CFAP20DC: variants seen among roughly 807,000 people sequenced by gnomAD.
CFAP20DC encodes CFAP20 domain containing.
Under a neutral mutation model 101.7 loss-of-function variants are expected in CFAP20DC, and 84 were observed. The observed-to-expected ratio is 0.83, with a 90% CI of 0.69 to 0.99. The LOEUF (loss-of-function observed/expected upper bound fraction) is 0.99. Ranked by LOEUF, CFAP20DC falls within the 50% of genes least tolerant of loss-of-function variation. The pLI, the probability that CFAP20DC is intolerant of heterozygous loss-of-function variation, is 0.00. For synonymous variants in CFAP20DC, 359 were observed against 351.2 expected (o/e 1.02, Z -0.25); for missense variants, 1,007 against 970.3 (o/e 1.04, Z -0.50).
intron 14 of CFAP20DC, among the ~76,000 whole-genome samples, chr3:58,816,727 T>C (rs533026946): frequency 6.6e-6 from 1 of 152,154 alleles, no homozygotes. Context: ...GCGCCCGCCA[T>C]TGCCCAGGCT....
rs746391952 is a variant in CFAP20DC at position 58,877,402 on chromosome 3, T to G, written c.716-7093A>C. Among the ~76,000 whole-genome samples the G allele has an allele frequency of 5.3e-5, 8 of 152,240 alleles. No homozygotes were observed. The South Asian group carries it at 1.0e-3, about 20-fold the overall frequency. On this transcript the variant is annotated intron_variant, in intron 7 of 16. Transcript: ENST00000482387. The stretch of plus-strand genomic sequence containing the variant: ...CAGTCTGAAAGGTTCTAAGTGTGTT[T>G]AACAGGAGCTTCATATCTAGTCTTT...
chr3:58,934,039 A>C (rs147861871), intron 5 of CFAP20DC, among the ~76,000 whole-genome samples: 64 of 152,340 alleles, frequency 4.2e-4, no homozygotes, highest in African/African-American at 1.5e-3. Context: ...ACTAATAAAG[A>C]AGAAAACAGA....
intron 16 of CFAP20DC, among the ~76,000 whole-genome samples, chr3:58,751,200 A>C (rs2068539112): frequency 6.6e-6 from 1 of 152,172 alleles, no homozygotes; most frequent in Non-Finnish European, 1.5e-5. Context: ...GTCTCCTAAA[A>C]ACTCAGAGGC....
chr3:58,808,373 A>G, intron 14 of CFAP20DC, among the ~76,000 whole-genome samples: 1 of 152,258 alleles, frequency 6.6e-6, no homozygotes, highest in East Asian at 1.9e-4. Flanking sequence ...CTCTCAGCAG[A>G]AATTCTACAA....
At position 58,936,956 on chromosome 3, in the gene CFAP20DC, C is replaced by CAA. The variant is rs35351829; in HGVS notation, c.393+690_393+691dup. On this transcript the variant is annotated intron_variant, in intron 5 of 16. Transcript: ENST00000482387. The stretch of plus-strand genomic sequence containing the variant: ...AAATTAAAAAAAAATAAATTTAAGC[C>CAA]AAAAAAAAAAAAGAGAGATAGTGTT... Among the ~76,000 whole-genome samples the CAA allele has an allele frequency of 1.3e-3, 189 of 140,270 alleles. 1 individual carries two copies. The highest frequency in any genetic ancestry group is 0.011 in the Middle Eastern group (3 of 262). 92.0% of individuals were successfully genotyped at this position (140,270 alleles called of 152,430 possible).
At chr3:58,811,695 A>G (rs1403088857) in intron 14 of CFAP20DC, among the ~76,000 whole-genome samples, 1 of 152,158 alleles carries the variant, frequency 6.6e-6, no homozygotes, top group Non-Finnish European at 1.5e-5. Flanking sequence ...AAAAGCCAAA[A>G]TTGACAAATG....
At chr3:58,849,472 G>A (rs914689794) in intron 12 of CFAP20DC, 63 bp from the exon 13 acceptor site, 19 of 1,196,074 alleles carry the variant, frequency 1.6e-5, no homozygotes, top group African/African-American at 3.1e-5. Context: ...AAGTTACTGA[G>A]TACAAGTTCT....
intron 6 of CFAP20DC, among the ~76,000 whole-genome samples, chr3:58,895,058 G>T (rs1185393283): frequency 6.6e-6 from 1 of 152,228 alleles, no homozygotes; most frequent in Admixed American, 6.5e-5. Context: ...CCTGGCCCAT[G>T]AAACCATTTT....
intron 4 of CFAP20DC, among the ~76,000 whole-genome samples, chr3:58,946,228 T>C (rs2089342767): frequency 6.6e-6 from 1 of 151,568 alleles, no homozygotes; most frequent in Admixed American, 6.6e-5. Flanking sequence ...GCGATTCTCG[T>C]GTCTCAGTCT....
At chr3:58,822,318 A>AACAC (rs1342932876) in intron 14 of CFAP20DC, among the ~76,000 whole-genome samples, 1 of 142,194 alleles carries the variant, frequency 7.0e-6, no homozygotes, top group Non-Finnish European at 1.5e-5. Flanking sequence ...TGAAAAAACA[A>AACAC]ACAAACAAAC....
At chr3:58,958,993 C>A (rs1201178455) in intron 4 of CFAP20DC, among the ~76,000 whole-genome samples, 2 of 152,126 alleles carry the variant, frequency 1.3e-5, no homozygotes, top group Admixed American at 6.6e-5. Flanking sequence ...TTATACTAAT[C>A]ATATTTTAGT....
At chr3:58,821,372 A>G (rs1041793483) in intron 14 of CFAP20DC, among the ~76,000 whole-genome samples, 54 of 152,190 alleles carry the variant, frequency 3.5e-4, no homozygotes, top group Non-Finnish European at 5.6e-4. Context: ...ACAAAATGGG[A>G]GAAAATTTTT....
intron 5 of CFAP20DC, among the ~76,000 whole-genome samples, chr3:58,918,718 G>A (rs1460592315): frequency 6.6e-6 from 1 of 151,994 alleles, no homozygotes; most frequent in Non-Finnish European, 1.5e-5. Flanking sequence ...AGGGATGCAA[G>A]AGTCTGGGCT....
At chr3:58,969,465 G>A (rs1158089936) in intron 4 of CFAP20DC, among the ~76,000 whole-genome samples, 2 of 152,100 alleles carry the variant, frequency 1.3e-5, no homozygotes, top group South Asian at 2.1e-4. Flanking sequence ...AATTTCACTC[G>A]TAGGTGAGCT....
At chr3:58,752,377 A>G (rs1313613414) in intron 16 of CFAP20DC, among the ~76,000 whole-genome samples, 4 of 152,114 alleles carry the variant, frequency 2.6e-5, no homozygotes, top group East Asian at 1.9e-4. Flanking sequence ...CATTTCTACA[A>G]TGTGCTGTAG....
Position 58,721,150 on chromosome 3 carries a change from C to CA in CFAP20DC, c.198-3523_198-3522insT, listed in dbSNP as rs1356178903. ...CCATCCACATGTGAATTCCAAGATG[C>CA]TGGGAGTGGGATTGTCCCAGTCACT... On this transcript the variant is annotated intron_variant, in intron 3 of 3. Coordinates refer to the CFAP20DC transcript ENST00000486145. The surrounding 1 kb of genome is among the most constrained non-coding windows in gnomAD (Gnocchi z 5.2). Among the ~76,000 whole-genome samples the CA allele has an allele frequency of 1.3e-5, 2 of 152,198 alleles. No individual in the cohort carries two copies. The highest frequency in any genetic ancestry group is 4.8e-5 in the African/African-American group (2 of 41,456).
At chr3:58,749,060 T>C (rs1407021839) in intron 16 of CFAP20DC, among the ~76,000 whole-genome samples, 2 of 152,344 alleles carry the variant, frequency 1.3e-5, no homozygotes, top group East Asian at 3.9e-4. Context: ...CCAATATTGC[T>C]CTTTTGGGAA....
At chr3:58,854,798 A>T (rs1271102073) in intron 12 of CFAP20DC, among the ~76,000 whole-genome samples, 7 of 149,108 alleles carry the variant, frequency 4.7e-5, no homozygotes, top group African/African-American at 1.7e-4. Flanking sequence ...GAAAGCTGAA[A>T]CTGGATCCCT....
At chr3:58,871,898 C>G (rs946144757) in intron 7 of CFAP20DC, among the ~76,000 whole-genome samples, 3 of 152,116 alleles carry the variant, frequency 2.0e-5, no homozygotes, top group African/African-American at 7.2e-5. Flanking sequence ...AAACTCCCAG[C>G]AGAATCCCCC....
Sources: allele counts gnomAD v4.1 joint callset (sites outside exome capture counted in the v4.1 genomes callset), GRCh38; gene constraint gnomAD v4.1.1; non-coding constraint Gnocchi (gnomAD v3.1); transcripts MANE v1.5; gene names NCBI Gene and HGNC (gene_info 2026-07-23, HGNC 2026-07-21).